Variants in NPEPPS observed in about 807,000 individuals in gnomAD.
NPEPPS encodes aminopeptidase puromycin sensitive, also known as puromycin-sensitive aminopeptidase.
Under a neutral mutation model 115.5 loss-of-function variants are expected in NPEPPS, and 14 were observed. That is an observed-to-expected ratio of 0.12 (90% CI 0.08 to 0.19). The LOEUF (loss-of-function observed/expected upper bound fraction) is 0.19, where lower values mean the gene tolerates loss of function less well. NPEPPS is among the 10% of genes least tolerant of loss of function. The probability of loss-of-function intolerance (pLI) is 1.00; values close to 1 mark genes in which losing one functional copy is unlikely to be tolerated. For synonymous variants in NPEPPS, 285 were observed against 390.6 expected (o/e 0.73, Z 3.19); for missense variants, 523 against 1,110.8 (o/e 0.47, Z 7.52).
intron 2 of NPEPPS, among the ~76,000 whole-genome samples, chr17:47,548,590 CTTTTTTTTTTT>C (rs538733982): frequency 9.5e-6 from 1 of 104,726 alleles, no homozygotes; most frequent in Non-Finnish European, 1.9e-5. Flanking sequence ...CTGAAAAGTT[CTTTTTTTTTTT>C]TTTTTTTTTT....
chr17:47,590,001 T>C (rs1044473298), intron 9 of NPEPPS, among the ~76,000 whole-genome samples: 12 of 152,228 alleles, frequency 7.9e-5, no homozygotes, highest in African/African-American at 2.4e-4. Context: ...GGGCTTTTTT[T>C]TTCCCTCTTC....
intron 12 of NPEPPS, among the ~76,000 whole-genome samples, chr17:47,594,102 C>CTG (rs1158747389): frequency 6.6e-6 from 1 of 152,114 alleles, no homozygotes; most frequent in Non-Finnish European, 1.5e-5. Context: ...CTGCAGTGAG[C>CTG]TGTGATTGGG....
chr17:47,614,726 A>G (rs1914083913), intron 19 of NPEPPS, among the ~76,000 whole-genome samples: 1 of 152,184 alleles, frequency 6.6e-6, no homozygotes, highest in African/African-American at 2.4e-5. Flanking sequence ...TGGCTACATT[A>G]GAGGTGGAGG....
At position 47,615,073 on chromosome 17, in the gene NPEPPS, C is replaced by T. The variant is rs1333362033; in HGVS notation, c.2295+1348C>T. 9.7e-4 allele frequency among the ~76,000 whole-genome samples: 119 copies of T among 122,466 alleles called. 2 individuals carry two copies. Among genetic ancestry groups the T allele is most frequent in the African/African-American group, 3.8e-3 (114 of 29,728 alleles). 80.3% of individuals were successfully genotyped at this position (122,466 alleles called of 152,430 possible). On this transcript the variant is annotated intron_variant, in intron 19 of 22. Coordinates refer to ENST00000322157, the MANE Select transcript of NPEPPS (RefSeq NM_006310.4). ...ATGTTGTAATAGGTTTACTTTCTTT[C>T]TTTTTTTTTTTTTTTTTTTTTTTGA...
intron 12 of NPEPPS, 55 bp downstream of exon 12, chr17:47,592,600 A>G: frequency 7.0e-7 from 1 of 1,429,042 alleles, no homozygotes; most frequent in Non-Finnish European, 9.5e-7. Flanking sequence ...CACTCTATCC[A>G]GGCTGGGACA....
intron 15 of NPEPPS, chr17:47,602,078 ATGTGT>A (rs1913233784): frequency 3.9e-6 from 1 of 254,474 alleles, no homozygotes; most frequent in South Asian, 4.6e-5. Flanking sequence ...AACTTCAATG[ATGTGT>A]TGTCACCATA....
chr17:47,621,302 T>G (rs773579713), intron 22 of NPEPPS, among the ~76,000 whole-genome samples: 1 of 152,224 alleles, frequency 6.6e-6, no homozygotes, highest in Non-Finnish European at 1.5e-5. Flanking sequence ...CAAAATGTGT[T>G]GAATCCTTAA....
chr17:47,598,406 G>A (rs1053450882), intron 13 of NPEPPS, among the ~76,000 whole-genome samples: 1 of 152,164 alleles, frequency 6.6e-6, no homozygotes, highest in African/African-American at 2.4e-5. Flanking sequence ...CACAGGAGGT[G>A]TGAAGGCTGC....
chr17:47,598,540 A>G (rs879650471), intron 13 of NPEPPS, among the ~76,000 whole-genome samples: 4 of 152,166 alleles, frequency 2.6e-5, no homozygotes, highest in Non-Finnish European at 5.9e-5. Context: ...TGGGAGGATC[A>G]CTTGTGTTCT....
At chr17:47,553,403 A>G (rs1169091158) in intron 2 of NPEPPS, among the ~76,000 whole-genome samples, 7 of 151,914 alleles carry the variant, frequency 4.6e-5, no homozygotes, top group Non-Finnish European at 1.5e-5. Context: ...ATTATGATTC[A>G]TTCTTTTTCA....
At chr17:47,583,369 G>A (rs1466450516) in intron 5 of NPEPPS, among the ~76,000 whole-genome samples, 2 of 152,106 alleles carry the variant, frequency 1.3e-5, no homozygotes, top group African/African-American at 4.8e-5. Flanking sequence ...CAGATCGCTT[G>A]AGGTCAGGAG....
chr17:47,606,461 C>CT (rs113101308), intron 17 of NPEPPS, among the ~76,000 whole-genome samples: 6,780 of 143,602 alleles, frequency 0.047, 181 homozygotes, highest in East Asian at 0.16. Flanking sequence ...GTCTTGTCTT[C>CT]TTTTTTTTTT....
intron 2 of NPEPPS, among the ~76,000 whole-genome samples, chr17:47,563,397 A>G (rs1910576313): frequency 6.6e-6 from 1 of 152,062 alleles, no homozygotes; most frequent in South Asian, 2.1e-4. Context: ...GATGACTAAC[A>G]CACTTACACA....
chr17:47,590,608 C>T (rs1912442554), intron 9 of NPEPPS, 109 bp from the exon 10 acceptor site: 1 of 1,304,254 alleles, frequency 7.7e-7, no homozygotes, highest in Non-Finnish European at 1.0e-6. Flanking sequence ...AATTTTAGGT[C>T]ATTAAATTGT....
At chr17:47,598,581 A>C (rs917439178) in intron 13 of NPEPPS, among the ~76,000 whole-genome samples, 7 of 152,204 alleles carry the variant, frequency 4.6e-5, no homozygotes, top group Non-Finnish European at 1.0e-4. Flanking sequence ...GTAACACGGC[A>C]AGATGCTGCC....
At chr17:47,557,882 C>T (rs908426039) in intron 2 of NPEPPS, among the ~76,000 whole-genome samples, 4 of 135,418 alleles carry the variant, frequency 3.0e-5, no homozygotes, top group African/African-American at 1.0e-4. Flanking sequence ...CCTTTATAAT[C>T]CTTTTCTCTC....
At chr17:47,617,910 C>T (rs1597899072) in intron 19 of NPEPPS, among the ~76,000 whole-genome samples, 1 of 151,848 alleles carries the variant, frequency 6.6e-6, no homozygotes, top group Non-Finnish European at 1.5e-5. Flanking sequence ...GACAGAGTCT[C>T]GCTCTCTTGC....
At chr17:47,568,035 A>G (rs1910939820) in intron 2 of NPEPPS, among the ~76,000 whole-genome samples, 1 of 152,178 alleles carries the variant, frequency 6.6e-6, no homozygotes, top group Admixed American at 6.5e-5. Context: ...GGATTGCTGT[A>G]TCACATGATA....
At chr17:47,552,406 A>T (rs923583553) in intron 2 of NPEPPS, among the ~76,000 whole-genome samples, 8 of 152,230 alleles carry the variant, frequency 5.3e-5, no homozygotes, top group African/African-American at 9.6e-5. Flanking sequence ...GGAGCAAGTG[A>T]TAGTTAGCCA....
Sources: allele counts gnomAD v4.1 joint callset (sites outside exome capture counted in the v4.1 genomes callset), GRCh38; gene constraint gnomAD v4.1.1; transcripts MANE v1.5; gene names NCBI Gene and HGNC (gene_info 2026-07-23, HGNC 2026-07-21).